CMTM8: variants seen among roughly 807,000 people sequenced by gnomAD.
CMTM8 encodes CKLF like MARVEL transmembrane domain containing 8.
A neutral mutation model predicts 18.6 loss-of-function variants in CMTM8; 12 were observed. The ratio of observed to expected loss-of-function variants is 0.65; its 90% confidence interval spans 0.41 to 1.05. CMTM8 has a LOEUF of 1.05. Among genes scored for constraint, CMTM8 ranks in the 50% least tolerant of loss-of-function variants. CMTM8 has a pLI of 0.00. For missense variants in CMTM8, 217 were observed against 227.2 expected (o/e 0.95, Z 0.29); for synonymous variants, 87 against 90.6 (o/e 0.96, Z 0.23).
chr3:32,258,735 T>G (rs531004878), intron 1 of CMTM8, among the ~76,000 whole-genome samples: 1 of 152,288 alleles, frequency 6.6e-6, no homozygotes, highest in African/African-American at 2.4e-5. Flanking sequence ...ATTCTCAAAC[T>G]TCCGGGCTCA....
intron 1 of CMTM8, among the ~76,000 whole-genome samples, chr3:32,319,515 G>A (rs894294752): frequency 2.6e-5 from 4 of 151,700 alleles, no homozygotes; most frequent in Non-Finnish European, 5.9e-5. Context: ...TTTAAAACAC[G>A]AATCCTCAGT....
At position 32,367,879 on chromosome 3, in the gene CMTM8, G is replaced by A. The variant is rs1425984220; in HGVS notation, c.329G>A (p.Cys110Tyr). 8 of 1,613,092 alleles carry A rather than the reference G, an allele frequency of 5.0e-6. No individual in the cohort carries two copies. Among genetic ancestry groups the A allele is most frequent in the Non-Finnish European group, 6.8e-6 (8 of 1,179,278 alleles). The change falls in exon 3 of 4, where the codon TGC becomes TAC. Residue 110 changes from cysteine to tyrosine, a missense_variant. Cys to Tyr is a radical substitution (Grantham distance 194). Coordinates refer to ENST00000307526, the MANE Select transcript of CMTM8 (RefSeq NM_178868.5). ...PQVPWTTVGL[C>Y]FNGSAFVLYL... ...GCCCCTGTGTCCCCCCAGGGCCTGT[G>A]CTTTAACGGCAGTGCCTTCGTCTTG...
intron 1 of CMTM8, among the ~76,000 whole-genome samples, chr3:32,298,801 A>ATG (rs1447201002): frequency 7.5e-6 from 1 of 134,048 alleles, no homozygotes; most frequent in Non-Finnish European, 1.5e-5. Flanking sequence ...CCCAGCTAAT[A>ATG]TATATATATA....
chr3:32,259,273 C>G (rs989252235), intron 1 of CMTM8: 5 of 645,792 alleles, frequency 7.7e-6, no homozygotes, highest in African/African-American at 3.6e-5. Context: ...GAACTGGAGG[C>G]TGGAGAGCAA....
chr3:32,258,849 G>T, intron 1 of CMTM8: 1 of 171,134 alleles, frequency 5.8e-6, no homozygotes. Flanking sequence ...CCCCATGTTG[G>T]GTGTCATCCT....
intron 1 of CMTM8, among the ~76,000 whole-genome samples, chr3:32,293,099 T>A (rs998211261): frequency 1.5e-5 from 2 of 133,122 alleles, no homozygotes; most frequent in Admixed American, 7.5e-5. Context: ...ATATATATAT[T>A]TAACTTTTAC....
At chr3:32,324,291 G>A (rs376784488) in intron 1 of CMTM8, among the ~76,000 whole-genome samples, 130 of 152,186 alleles carry the variant, frequency 8.5e-4, no homozygotes, top group African/African-American at 3.1e-3. Flanking sequence ...TTTCCAGTCT[G>A]GTAGCTGAAT....
At chr3:32,352,775 G>C (rs1251151376) in intron 1 of CMTM8, among the ~76,000 whole-genome samples, 5 of 151,944 alleles carry the variant, frequency 3.3e-5, no homozygotes, top group African/African-American at 7.2e-5. Context: ...ACACAGGTTT[G>C]TTCAGTTAGT....
intron 1 of CMTM8, among the ~76,000 whole-genome samples, chr3:32,278,215 T>G (rs181051362): frequency 2.0e-4 from 30 of 152,310 alleles, no homozygotes; most frequent in African/African-American, 6.3e-4. Context: ...TGGCATCCTG[T>G]TGGTCAGAAT....
chr3:32,357,598 A>G (rs777158559), intron 2 of CMTM8, 52 bp downstream of exon 2: 1 of 1,554,606 alleles, frequency 6.4e-7, no homozygotes, highest in African/African-American at 1.4e-5. Flanking sequence ...GGTAGATGGC[A>G]TTAGTCCTCT....
intron 1 of CMTM8, among the ~76,000 whole-genome samples, chr3:32,295,474 A>C (rs1218208643): frequency 9.3e-5 from 10 of 108,002 alleles, no homozygotes; most frequent in Admixed American, 3.6e-4. Flanking sequence ...AAAAAAAAAA[A>C]AAAACAAAAC....
chr3:32,361,295 T>TTGTTTTTTG (rs1553608182), intron 2 of CMTM8, among the ~76,000 whole-genome samples: 1 of 146,592 alleles, frequency 6.8e-6, no homozygotes, highest in African/African-American at 2.5e-5. Context: ...AGTTTTTTTT[T>TTGTTTTTTG]CTTTCAAATT....
At chr3:32,305,730 A>G (rs968952091) in intron 1 of CMTM8, among the ~76,000 whole-genome samples, 3 of 152,216 alleles carry the variant, frequency 2.0e-5, no homozygotes, top group African/African-American at 4.8e-5. Context: ...ATACAGCATC[A>G]TCATTGTTCC....
intron 1 of CMTM8, among the ~76,000 whole-genome samples, chr3:32,330,462 A>G (rs768870761): frequency 8.5e-5 from 13 of 152,170 alleles, no homozygotes; most frequent in Non-Finnish European, 1.8e-4. Flanking sequence ...CAGGCTGGGC[A>G]ACATAATAAG....
intron 1 of CMTM8, among the ~76,000 whole-genome samples, chr3:32,351,322 A>G (rs1053451148): frequency 1.3e-5 from 2 of 152,238 alleles, no homozygotes; most frequent in Admixed American, 6.5e-5. Context: ...GTAAGCATAT[A>G]TACAAAACTA....
chr3:32,358,700 CCCAAAT>C lies in CMTM8; in HGVS notation c.321+1160_321+1165del, dbSNP rs1696864149. On this transcript the variant is annotated intron_variant, in intron 2 of 3. Coordinates refer to ENST00000307526, the MANE Select transcript of CMTM8 (RefSeq NM_178868.5). This position sits in a 1 kb window ranked among gnomAD's most constrained non-coding sequence, Gnocchi z 4.1. ...AGATTGACTGACTCTTGACCATTTCCCCAAATCCAAAAGTAAGGACTCTTTATTAAG... is the reference window on the plus strand; with the variant it reads ...AGATTGACTGACTCTTGACCATTTCCCCAAAAGTAAGGACTCTTTATTAAG... 6.6e-6 allele frequency among the ~76,000 whole-genome samples: 1 copy of C among 152,118 alleles called. No homozygotes were observed. The highest frequency in any genetic ancestry group is 2.4e-5 in the African/African-American group (1 of 41,416).
chr3:32,324,803 C>G (rs546814003), intron 1 of CMTM8, among the ~76,000 whole-genome samples: 30 of 152,206 alleles, frequency 2.0e-4, no homozygotes, highest in African/African-American at 5.1e-4. Context: ...ATGTGGGAGC[C>G]CCCATAGGAA....
Position 32,290,783 on chromosome 3 carries a change from A to C in CMTM8, c.147+51664A>C, listed in dbSNP as rs146630310. Among the ~76,000 whole-genome samples, 456 of 152,348 alleles carry C rather than the reference A, an allele frequency of 3.0e-3. 3 individuals carry two copies. Among genetic ancestry groups the C allele is most frequent in the African/African-American group, 1.0e-2 (414 of 41,578 alleles). On this transcript the variant is annotated intron_variant, in intron 1 of 3. Coordinates refer to ENST00000307526, the MANE Select transcript of CMTM8 (RefSeq NM_178868.5). ...AGTTACAATCATTTGTCATGGGCTA[A>C]TGACAGAGGAACAAGGCAGACTGAT...
At chr3:32,239,252 C>T (rs1190428479) in intron 1 of CMTM8, 133 bp downstream of exon 1, 42 of 979,658 alleles carry the variant, frequency 4.3e-5, no homozygotes, top group Middle Eastern at 6.5e-4. Context: ...TCAGCCTCGC[C>T]TTCTTCCCAA....
Sources: allele counts gnomAD v4.1 joint callset (sites outside exome capture counted in the v4.1 genomes callset), GRCh38; gene constraint gnomAD v4.1.1; non-coding constraint Gnocchi (gnomAD v3.1); transcripts MANE v1.5; gene names NCBI Gene and HGNC (gene_info 2026-07-23, HGNC 2026-07-21).